The following TMEM117 variants were observed in gnomAD, a reference collection of about 807,000 sequenced individuals.
The protein encoded by TMEM117 is transmembrane protein 117.
TMEM117 carries 27 observed loss-of-function variants against 52.4 expected under a neutral mutation model. The observed-to-expected ratio is 0.51, with a 90% confidence interval of 0.38 to 0.71. TMEM117 has a LOEUF of 0.71. TMEM117 is among the 30% of genes least tolerant of loss of function. The pLI is 0.00. For synonymous variants in TMEM117, 215 were observed against 206.3 expected, an observed-to-expected ratio of 1.04 and a Z score of -0.36; for missense variants, 556 against 630.5, an observed-to-expected ratio of 0.88 and a Z score of 1.26.
intron 2 of TMEM117, among the ~76,000 whole-genome samples, chr12:43,850,344 C>T (rs559210489): frequency 6.6e-6 from 1 of 152,234 alleles, no homozygotes; most frequent in South Asian, 2.1e-4. Context: ...GCAGAACCAC[C>T]AACAGAATAA....
chr12:44,337,304 C>T (rs898127154), intron 6 of TMEM117, among the ~76,000 whole-genome samples: 1 of 151,998 alleles, frequency 6.6e-6, no homozygotes, highest in African/African-American at 2.4e-5. Context: ...AGCAGAAGAA[C>T]TGACCCTCTT....
intron 2 of TMEM117, among the ~76,000 whole-genome samples, chr12:43,898,028 G>A (rs1293595781): frequency 2.1e-5 from 3 of 143,400 alleles, no homozygotes; most frequent in Admixed American, 6.9e-5. Context: ...ATGCACATGC[G>A]CACACACACA....
At position 44,311,950 on chromosome 12, in the gene TMEM117, G is replaced by T. The variant is rs1458161603; in HGVS notation, c.768+12211G>T. Among the ~76,000 whole-genome samples, 8 of 146,362 alleles carry T rather than the reference G, an allele frequency of 5.5e-5. No individual in the cohort carries two copies. The South Asian group carries it at 6.4e-4, about 12-fold the overall frequency. On this transcript the variant is annotated intron_variant, in intron 6 of 7. Transcript: ENST00000266534. ...ATATATTTTTCCTCCCATTCTTTTGGCATTTGATGGCCAGGTCAATCCTCC... is the reference window on the plus strand; with the variant it reads ...ATATATTTTTCCTCCCATTCTTTTGTCATTTGATGGCCAGGTCAATCCTCC...
At chr12:43,812,292 A>G in the TMEM117 span, among the ~76,000 whole-genome samples, 1 of 152,206 alleles carries the variant, frequency 6.6e-6, no homozygotes, top group South Asian at 2.1e-4. Context: ...AACCCTCGGG[A>G]ACAATTTCTC....
chr12:44,163,913 T>C (rs1948929994), intron 4 of TMEM117, among the ~76,000 whole-genome samples: 1 of 152,130 alleles, frequency 6.6e-6, no homozygotes, highest in African/African-American at 2.4e-5. Flanking sequence ...TCCCAAAGTA[T>C]TTTCTATTTT....
Position 43,971,695 on chromosome 12 carries a change from A to G in TMEM117, c.410+27353A>G, listed in dbSNP as rs888957532. On this transcript the variant is annotated intron_variant, in intron 3 of 7. Transcript: ENST00000266534. ...ATGTGTCACTCACATCATAACATGT[A>G]GCACACCATGTCCCTCCCACCTCCA... 3.7e-4 allele frequency among the ~76,000 whole-genome samples: 56 copies of G among 152,344 alleles called. 1 individual carries two copies. The highest frequency in any genetic ancestry group is 3.4e-3 in the Admixed American group (52 of 15,300).
At chr12:44,164,556 G>A (rs1948939097) in intron 4 of TMEM117, among the ~76,000 whole-genome samples, 1 of 152,060 alleles carries the variant, frequency 6.6e-6, no homozygotes, top group Admixed American at 6.6e-5. Flanking sequence ...ACTTTCATGA[G>A]GGGCTGGAAA....
chr12:44,350,740 C>T (rs1951551346), intron 6 of TMEM117, among the ~76,000 whole-genome samples: 1 of 151,934 alleles, frequency 6.6e-6, no homozygotes, highest in African/African-American at 2.4e-5. Flanking sequence ...TGTATATGTG[C>T]CCATTTTCTT....
At position 43,982,445 on chromosome 12, in the gene TMEM117, G is replaced by T. The variant is rs551059754; in HGVS notation, c.410+38103G>T. ...TTCACGTTAGGTACAGGAAAATATG[G>T]TTACTGCTAAGAAACCCCCATACTC... is the stretch of plus-strand genomic sequence containing the variant. On this transcript the variant is annotated intron_variant, in intron 3 of 7. Transcript: ENST00000266534. Among the ~76,000 whole-genome samples the T allele has an allele frequency of 3.3e-5, 5 of 152,158 alleles. No individual in the cohort carries two copies. In the East Asian group the frequency reaches 5.8e-4, roughly 18 times the overall value.
intron 6 of TMEM117, among the ~76,000 whole-genome samples, chr12:44,317,001 TC>T (rs367657675): frequency 5.1e-4 from 75 of 147,178 alleles, no homozygotes; most frequent in African/African-American, 1.7e-3. Context: ...TTTTTCTTTT[TC>T]TTTTTTTTTT....
rs375148889 is a variant in TMEM117 at position 44,286,124 on chromosome 12, C to G, written c.609-13456C>G. ...TGTAAGAAACTGATACATTATTTGACTTTTTTGGTTGCATTCCAACATTTT... is the reference window on the plus strand; with the variant it reads ...TGTAAGAAACTGATACATTATTTGAGTTTTTTGGTTGCATTCCAACATTTT... On this transcript the variant is annotated intron_variant, in intron 5 of 7. Coordinates refer to ENST00000266534, the MANE Select transcript of TMEM117 (RefSeq NM_032256.3). 2.6e-5 allele frequency among the ~76,000 whole-genome samples: 4 copies of G among 151,822 alleles called. No individual in the cohort carries two copies. The East Asian group carries it at 7.7e-4, about 29-fold the overall frequency.
intron 5 of TMEM117, among the ~76,000 whole-genome samples, chr12:44,237,327 T>G (rs528460295): frequency 6.6e-6 from 1 of 152,204 alleles, no homozygotes; most frequent in East Asian, 1.9e-4. Flanking sequence ...GTTTTTTTTT[T>G]ACCTTCATAG....
chr12:44,268,034 C>T (rs1289666827), intron 5 of TMEM117, among the ~76,000 whole-genome samples: 1 of 151,992 alleles, frequency 6.6e-6, no homozygotes, highest in Non-Finnish European at 1.5e-5. Flanking sequence ...GATTCCTTGA[C>T]CATATGGTAG....
intron 2 of TMEM117, among the ~76,000 whole-genome samples, chr12:43,916,923 C>T (rs1205059840): frequency 6.6e-6 from 1 of 152,028 alleles, no homozygotes; most frequent in Non-Finnish European, 1.5e-5. Flanking sequence ...AGTGGTCCAT[C>T]CTTCTCCCCT....
chr12:44,147,070 G>A (rs1948653440), intron 4 of TMEM117, among the ~76,000 whole-genome samples: 1 of 152,152 alleles, frequency 6.6e-6, no homozygotes, highest in Non-Finnish European at 1.5e-5. Flanking sequence ...CAGAGGACAA[G>A]AGATATATAA....
intron 2 of TMEM117, among the ~76,000 whole-genome samples, chr12:43,880,861 T>C (rs150414070): frequency 6.6e-6 from 1 of 152,344 alleles, no homozygotes; most frequent in East Asian, 1.9e-4. Flanking sequence ...TTCATTTTTG[T>C]TAAGAATAGT....
At chr12:44,339,907 C>T (rs961113798) in intron 6 of TMEM117, among the ~76,000 whole-genome samples, 1 of 151,922 alleles carries the variant, frequency 6.6e-6, no homozygotes, top group African/African-American at 2.4e-5. Context: ...CCGAACCTGA[C>T]AATTCTACAT....
intron 4 of TMEM117, among the ~76,000 whole-genome samples, chr12:44,204,840 G>C (rs1949543849): frequency 6.6e-6 from 1 of 152,068 alleles, no homozygotes; most frequent in Admixed American, 6.6e-5. Context: ...TGGGATAACT[G>C]GCTAGCCATA....
intron 1 of TMEM117, among the ~76,000 whole-genome samples, chr12:43,842,992 T>C (rs1020097433): frequency 1.3e-5 from 2 of 152,168 alleles, no homozygotes; most frequent in African/African-American, 2.4e-5. Context: ...TAGGTGACTT[T>C]GGGCAAGTTA....
Sources: allele counts gnomAD v4.1 joint callset (sites outside exome capture counted in the v4.1 genomes callset), GRCh38; gene constraint gnomAD v4.1.1; transcripts MANE v1.5; gene names NCBI Gene and HGNC (gene_info 2026-07-23, HGNC 2026-07-21).